Variants in KALRN observed in about 807,000 individuals in gnomAD.
KALRN encodes kalirin.
Under a neutral mutation model 353.7 loss-of-function variants are expected in KALRN, and 70 were observed. That is an observed-to-expected ratio of 0.20 (90% CI 0.16 to 0.24). KALRN has a LOEUF of 0.24. KALRN is among the 10% of genes least tolerant of loss of function. KALRN has a pLI of 1.00. For missense variants in KALRN, 2,791 were observed against 3,756.7 expected (o/e 0.74, Z 6.72); for synonymous variants, 1,391 against 1,434.8 (o/e 0.97, Z 0.69).
At chr3:124,404,153 G>GGAAAAAA (rs537844244) in intron 13 of KALRN, among the ~76,000 whole-genome samples, 2 of 123,600 alleles carry the variant, frequency 1.6e-5, no homozygotes, top group African/African-American at 3.3e-5. Flanking sequence ...CTGCTCTCTG[G>GGAAAAAA]AAAAAAAAAA....
At chr3:124,581,391 CA>C (rs5852421) in intron 34 of KALRN, among the ~76,000 whole-genome samples, 80 of 137,428 alleles carry the variant, frequency 5.8e-4, no homozygotes, top group South Asian at 4.4e-3. Flanking sequence ...AGACTCTGCT[CA>C]AAAAAAAAAA....
intron 1 of KALRN, among the ~76,000 whole-genome samples, chr3:124,169,521 A>C (rs2071407594): frequency 6.6e-6 from 1 of 152,002 alleles, no homozygotes; most frequent in African/African-American, 2.4e-5. Flanking sequence ...ATTTGCAACT[A>C]CTGGTGCAGT....
At position 124,624,066 on chromosome 3, in the gene KALRN, A is replaced by G. The variant is rs116802695; in HGVS notation, c.5183-8354A>G. Among the ~76,000 whole-genome samples, 1,192 of 152,306 alleles carry G rather than the reference A, an allele frequency of 7.8e-3. 15 individuals are homozygous for G. Among genetic ancestry groups the G allele is most frequent in the African/African-American group, 0.025 (1,059 of 41,558 alleles). On this transcript the variant is annotated intron_variant, in intron 34 of 59. Coordinates refer to ENST00000682506, the MANE Select transcript of KALRN (RefSeq NM_001388419.1). ...AAAATTTCAGAAATAAACAGTTCAT[A>G]AGTTATAAATTGCACACTGTTCTGA...
chr3:124,256,496 A>G (rs2072004829), intron 3 of KALRN, among the ~76,000 whole-genome samples: 2 of 152,208 alleles, frequency 1.3e-5, no homozygotes, highest in African/African-American at 4.8e-5. Flanking sequence ...CTCCAAAGAC[A>G]TAAAAACTTT....
intron 14 of KALRN, among the ~76,000 whole-genome samples, chr3:124,421,078 C>T (rs979446483): frequency 3.3e-5 from 5 of 152,188 alleles, no homozygotes; most frequent in Non-Finnish European, 7.3e-5. Flanking sequence ...AAAGTGTCAG[C>T]ATCAGGACCA....
chr3:124,197,145 T>C (rs968994674), intron 1 of KALRN, among the ~76,000 whole-genome samples: 3 of 152,214 alleles, frequency 2.0e-5, no homozygotes, highest in African/African-American at 7.2e-5. Flanking sequence ...ACCCTTTGCA[T>C]ACATCCATAA....
chr3:124,233,874 G>A (rs1447317649), intron 2 of KALRN, among the ~76,000 whole-genome samples: 1 of 152,180 alleles, frequency 6.6e-6, no homozygotes, highest in Non-Finnish European at 1.5e-5. Flanking sequence ...TTTTCTTTGT[G>A]TAATGGCCAG....
intron 34 of KALRN, among the ~76,000 whole-genome samples, chr3:124,587,690 A>C (rs1029701209): frequency 0.037 from 2,432 of 65,572 alleles, 1 homozygote; most frequent in Middle Eastern, 0.14. Context: ...CTCCACCCCC[A>C]CCCTCCACTT....
intron 37 of KALRN, among the ~76,000 whole-genome samples, chr3:124,649,080 A>C (rs1248863186): frequency 6.6e-6 from 1 of 152,194 alleles, no homozygotes. Flanking sequence ...TGTTGGTAAC[A>C]AATTCATGTT....
intron 38 of KALRN, among the ~76,000 whole-genome samples, chr3:124,651,254 T>G (rs1030250809): frequency 6.6e-6 from 1 of 152,198 alleles, no homozygotes; most frequent in Non-Finnish European, 1.5e-5. Context: ...AGACTGTTAC[T>G]GAGGGCCTAT....
intron 34 of KALRN, chr3:124,584,572 A>G: frequency 7.6e-7 from 1 of 1,315,562 alleles, no homozygotes; most frequent in East Asian, 3.0e-5. Flanking sequence ...GCTGCTGGCC[A>G]GGTCTCCTGC....
At chr3:124,474,777 C>G (rs1214213388) in intron 26 of KALRN, 45 bp downstream of exon 26, 1 of 1,452,060 alleles carries the variant, frequency 6.9e-7, no homozygotes, top group Non-Finnish European at 9.7e-7. Flanking sequence ...ACACATGGCA[C>G]CACTCTTCAG....
intron 10 of KALRN, among the ~76,000 whole-genome samples, chr3:124,349,012 C>T (rs926646021): frequency 1.3e-5 from 2 of 152,198 alleles, no homozygotes; most frequent in Admixed American, 6.5e-5. Flanking sequence ...AGCCACCGTG[C>T]CCAGCTGTCA....
intron 1 of KALRN, among the ~76,000 whole-genome samples, chr3:124,040,623 T>A (rs1184935170): frequency 6.6e-6 from 1 of 152,244 alleles, no homozygotes; most frequent in African/African-American, 2.4e-5. Flanking sequence ...ATGGAATAGG[T>A]TCAGCACTAA....
chr3:124,184,483 AG>A (rs2073981029), intron 1 of KALRN, among the ~76,000 whole-genome samples: 1 of 152,162 alleles, frequency 6.6e-6, no homozygotes, highest in African/African-American at 2.4e-5. Context: ...CTTGATCCCC[AG>A]CCTCTTCCCC....
chr3:124,140,795 G>A (rs897607890), intron 1 of KALRN, among the ~76,000 whole-genome samples: 2 of 145,182 alleles, frequency 1.4e-5, no homozygotes, highest in Non-Finnish European at 3.0e-5. Flanking sequence ...TTGCCCTCCC[G>A]GGGGGGGCAC....
At chr3:124,606,006 C>T (rs957535552) in intron 34 of KALRN, among the ~76,000 whole-genome samples, 1 of 151,912 alleles carries the variant, frequency 6.6e-6, no homozygotes, top group African/African-American at 2.4e-5. Flanking sequence ...TGATTAACCA[C>T]CAACTTCACC....
chr3:124,423,238 T>C (rs1318853253), intron 15 of KALRN, among the ~76,000 whole-genome samples: 1 of 152,234 alleles, frequency 6.6e-6, no homozygotes, highest in East Asian at 1.9e-4. Flanking sequence ...TCCAGAGTTG[T>C]CTCAGTCACT....
intron 1 of KALRN, among the ~76,000 whole-genome samples, chr3:124,186,839 G>C (rs1166288008): frequency 6.6e-6 from 1 of 152,178 alleles, no homozygotes; most frequent in African/African-American, 2.4e-5. Context: ...AGTCCTCCAA[G>C]CCTGAGTGTA....
Sources: allele counts gnomAD v4.1 joint callset (sites outside exome capture counted in the v4.1 genomes callset), GRCh38; gene constraint gnomAD v4.1.1; transcripts MANE v1.5; gene names NCBI Gene and HGNC (gene_info 2026-07-23, HGNC 2026-07-21).